The following HERC1 variants were observed in gnomAD, a reference collection of about 807,000 sequenced individuals.
The protein encoded by HERC1 is probable E3 ubiquitin-protein ligase HERC1.
In HERC1, 160 loss-of-function variants were observed where a neutral mutation model predicts 554.3. That is an observed-to-expected ratio of 0.29 (90% CI 0.25 to 0.33). The LOEUF is 0.33. Among genes scored for constraint, HERC1 ranks in the 10% least tolerant of loss-of-function variants. The pLI, the probability that HERC1 is intolerant of heterozygous loss-of-function variation, is 1.00. For missense variants in HERC1, 4,919 were observed against 5,918.5 expected, an observed-to-expected ratio of 0.83 and a Z score of 5.54; for synonymous variants, 2,175 against 2,131.7, an observed-to-expected ratio of 1.02 and a Z score of -0.56.
intron 51 of HERC1, among the ~76,000 whole-genome samples, chr15:63,653,452 A>G (rs936070047): frequency 3.3e-5 from 5 of 152,206 alleles, no homozygotes; most frequent in African/African-American, 1.2e-4. Context: ...CTGTTTAAGT[A>G]ATACAATTCA....
chr15:63,648,935 G>A (rs2069502011), intron 54 of HERC1, among the ~76,000 whole-genome samples: 1 of 152,216 alleles, frequency 6.6e-6, no homozygotes, highest in South Asian at 2.1e-4. Context: ...AATCTTGTGA[G>A]ATGCATTCAC....
chr15:63,628,957 T>A, intron 69 of HERC1, 142 bp from the exon 70 acceptor site: 1 of 698,964 alleles, frequency 1.4e-6, no homozygotes, highest in South Asian at 2.0e-5. Flanking sequence ...CACATTCTTT[T>A]TTTTTTTTTT....
At chr15:63,737,258 C>G (rs953873901) in intron 12 of HERC1, among the ~76,000 whole-genome samples, 2 of 149,966 alleles carry the variant, frequency 1.3e-5, no homozygotes, top group African/African-American at 4.9e-5. Flanking sequence ...AGAGGACTGG[C>G]TCAGGAGGTC....
chr15:63,789,082 T>TG (rs2076546026), intron 1 of HERC1, among the ~76,000 whole-genome samples: 1 of 94,910 alleles, frequency 1.1e-5, no homozygotes, highest in South Asian at 3.4e-4. Context: ...TAAAAGGTTT[T>TG]TTTTTTTTTT....
intron 2 of HERC1, among the ~76,000 whole-genome samples, chr15:63,772,679 T>C (rs1293308934): frequency 2.0e-5 from 3 of 152,146 alleles, no homozygotes; most frequent in Non-Finnish European, 2.9e-5. Context: ...CAAAGAGGCC[T>C]ACACGCCTCC....
At chr15:63,637,846 G>T (rs983235583) in intron 63 of HERC1, among the ~76,000 whole-genome samples, 2 of 152,104 alleles carry the variant, frequency 1.3e-5, no homozygotes, top group African/African-American at 2.4e-5. Context: ...AGATGTATGA[G>T]ATTCATCCAT....
intron 25 of HERC1, among the ~76,000 whole-genome samples, chr15:63,704,675 G>A (rs1275201440): frequency 6.6e-6 from 1 of 151,064 alleles, no homozygotes; most frequent in Non-Finnish European, 1.5e-5. Context: ...ATAATGAAAT[G>A]CATGTTGCAC....
intron 76 of HERC1, among the ~76,000 whole-genome samples, chr15:63,614,117 T>C (rs560147059): frequency 6.6e-6 from 1 of 152,128 alleles, no homozygotes; most frequent in East Asian, 1.9e-4. Context: ...GACCAATTCA[T>C]ATATAAAGAA....
chr15:63,819,156 C>G (rs1218675927), intron 1 of HERC1, among the ~76,000 whole-genome samples: 1 of 152,112 alleles, frequency 6.6e-6, no homozygotes, highest in Non-Finnish European at 1.5e-5. Context: ...ACTCTGGCAA[C>G]TTTACAAAGA....
At chr15:63,826,775 T>G in intron 1 of HERC1, among the ~76,000 whole-genome samples, 1 of 91,566 alleles carries the variant, frequency 1.1e-5, no homozygotes, top group African/African-American at 3.9e-5. Flanking sequence ...TTTAATCACT[T>G]ATCTCTGGTA....
At chr15:63,812,304 T>G (rs1389095322) in intron 1 of HERC1, among the ~76,000 whole-genome samples, 1 of 152,248 alleles carries the variant, frequency 6.6e-6, no homozygotes, top group Non-Finnish European at 1.5e-5. Flanking sequence ...TTTCCATTGT[T>G]TCAAAACAGT....
At chr15:63,664,764 A>C (rs2070532141) in intron 42 of HERC1, among the ~76,000 whole-genome samples, 170 bp from the exon 43 acceptor site, 1 of 152,228 alleles carries the variant, frequency 6.6e-6, no homozygotes, top group African/African-American at 2.4e-5. Flanking sequence ...TATGCATATA[A>C]CATTTCCTGT....
chr15:63,661,007 T>A lies in HERC1; in HGVS notation c.9189A>T (p.Pro3063=). ...TSSERYKGQA[P]DLIGKQDSVY... ...CACTGTCTTGCTTGCCAATTAGATC[T>A]GGAGCTTGTCCCTTGTACCTGCACC... Residue 3063 remains proline, a synonymous_variant, in exon 46 of 78, where the codon CCA becomes CCT. Transcript: ENST00000443617. The A allele has an allele frequency of 6.2e-7, 1 of 1,612,510 alleles. No individual in the cohort carries two copies.
Position 63,693,996 on chromosome 15 carries a change from G to C in HERC1, c.5642C>G (p.Ser1881Cys), listed in dbSNP as rs373110616. Residue 1881 changes from serine to cysteine, a missense_variant, in exon 30 of 78, where the codon TCC (serine) becomes TGC (cysteine). By Grantham distance (112) the Ser-to-Cys change is moderately radical. This residue lies in a region of HERC1 where 1,121 missense variants were observed against 1,244.0 expected (regional missense o/e 0.90). Coordinates refer to ENST00000443617, the MANE Select transcript of HERC1 (RefSeq NM_003922.4). ...ATCTTTCTTCTCAGTTTCTCCACTG[G>C]AGTCAACTTTTTTTTCTTCTTCTTC... The part of the protein sequence containing the change: ...DGEEEEKKVD[S>C]SGETEKKDFR... The C allele has an allele frequency of 6.4e-7, 1 of 1,557,426 alleles. No homozygotes were observed. Among genetic ancestry groups the C allele is most frequent in the Non-Finnish European group, 8.7e-7 (1 of 1,149,752 alleles).
At chr15:63,760,932 C>A (rs917957296) in intron 3 of HERC1, among the ~76,000 whole-genome samples, 1 of 151,992 alleles carries the variant, frequency 6.6e-6, no homozygotes, top group Non-Finnish European at 1.5e-5. Flanking sequence ...GGCTTCTCAG[C>A]AAATATGCAT....
intron 58 of HERC1, 70 bp downstream of exon 58, chr15:63,643,334 A>C: frequency 7.3e-7 from 1 of 1,370,314 alleles, no homozygotes. Context: ...CAATTGGTTA[A>C]TTTTTATCAC....
chr15:63,713,451 T>A lies in HERC1; in HGVS notation c.4365A>T (p.Gly1455=), dbSNP rs1389232424. 6.2e-7 allele frequency: 1 copy of A among 1,614,000 alleles called. No individual in the cohort carries two copies. Among genetic ancestry groups the A allele is most frequent in the Non-Finnish European group, 8.5e-7 (1 of 1,179,882 alleles). ...VIHRCALLIL[G]VSPVIDELQK... is the part of the protein sequence containing the mutation. ...GAAGCTCATCTATCACAGGACTTAC[T>A]CCTAATATTAACAGGGCACACCGAT... is the stretch of plus-strand genomic sequence containing the variant. Residue 1455 remains glycine (G), a synonymous_variant, in exon 23 of 78, where the codon GGA becomes GGT. Transcript: ENST00000443617.
chr15:63,641,956 G>C (rs1400029525), intron 59 of HERC1, among the ~76,000 whole-genome samples: 1 of 152,084 alleles, frequency 6.6e-6, no homozygotes, highest in Non-Finnish European at 1.5e-5. Context: ...TATTTCAAAA[G>C]TCATGTCTGA....
chr15:63,609,269 G>A lies in HERC1; in HGVS notation c.14401-3C>T. ...GAGGTAGGCAGACTGTCGTAAGGCT[G>A]TGGAGAGAGACCCAGAGCCGTGACT... On this transcript the variant is annotated splice_polypyrimidine_tract_variant and splice_region_variant and intron_variant, in intron 77 of 77. Transcript: ENST00000443617. The A allele has an allele frequency of 6.2e-7, 1 of 1,604,344 alleles. No individual in the cohort carries two copies. Among genetic ancestry groups the A allele is most frequent in the Non-Finnish European group, 8.5e-7 (1 of 1,174,360 alleles).
Sources: allele counts gnomAD v4.1 joint callset (sites outside exome capture counted in the v4.1 genomes callset), GRCh38; gene constraint gnomAD v4.1.1; regional missense constraint gnomAD v4.1.1; transcripts MANE v1.5; gene names NCBI Gene and HGNC (gene_info 2026-07-23, HGNC 2026-07-21).